Variants in ADAP1 observed in about 807,000 individuals in gnomAD.
ADAP1 encodes ArfGAP with dual PH domains 1, also known as arf-GAP with dual PH domain-containing protein 1.
Under a neutral mutation model 54.9 loss-of-function variants are expected in ADAP1, and 31 were observed. The observed-to-expected ratio is 0.56, with a 90% CI of 0.42 to 0.76. ADAP1 has a LOEUF of 0.76. ADAP1 is among the 30% of genes least tolerant of loss of function. The pLI, the probability that ADAP1 is intolerant of heterozygous loss-of-function variation, is 0.00. For synonymous variants in ADAP1, 313 were observed against 202.6 expected, an observed-to-expected ratio of 1.55 and a Z score of -4.63; for missense variants, 535 against 512.4, an observed-to-expected ratio of 1.04 and a Z score of -0.42.
At position 900,629 on chromosome 7, in the gene ADAP1, G is replaced by A; in HGVS notation, c.649-13C>T. ...AGTCCACAATCTCCTAGGGGCAAAG[G>A]TGGGCACAGGCTTGGGCTGAGGAGG... On this transcript the variant is annotated splice_polypyrimidine_tract_variant and intron_variant, in intron 6 of 10. Coordinates refer to ENST00000265846, the MANE Select transcript of ADAP1 (RefSeq NM_006869.4). 1 of 1,594,740 alleles carries A rather than the reference G, an allele frequency of 6.3e-7. No homozygotes were observed. The highest frequency in any genetic ancestry group is 1.1e-5 in the South Asian group (1 of 89,440).
rs1017268339 is a variant in ADAP1 at position 945,648 on chromosome 7, C to T, written c.82+8748G>A. The stretch of plus-strand genomic sequence containing the variant: ...GGGAGGGGCAGGCCCAAGACTCCAG[C>T]CCCCACAAACATCCAGGCTGCCAGC... On this transcript the variant is annotated intron_variant, in intron 1 of 10. Transcript: ENST00000265846. The surrounding 1 kb of genome is among the most constrained non-coding windows in gnomAD (Gnocchi z 4.2). The T allele has an allele frequency of 1.0e-5, 8 of 796,704 alleles. No homozygotes were observed. Among genetic ancestry groups the T allele is most frequent in the East Asian group, 1.3e-4 (1 of 7,950 alleles). The allele number at this position is 796,704 out of a possible 1,614,324, so 49.4% of individuals were successfully genotyped here. A position where few individuals can be genotyped will look rare whatever the true frequency, so the allele number is the denominator to read the frequency against.
chr7:902,249 G>A (rs1162307654), intron 6 of ADAP1, among the ~76,000 whole-genome samples: 2 of 149,376 alleles, frequency 1.3e-5, no homozygotes, highest in Admixed American at 1.3e-4. Context: ...ACCTGAGGTC[G>A]GGAGCTCGAG....
At chr7:908,883 G>C (rs898165156) in intron 4 of ADAP1, among the ~76,000 whole-genome samples, 1 of 152,160 alleles carries the variant, frequency 6.6e-6, no homozygotes, top group Non-Finnish European at 1.5e-5. Context: ...GGGTGGAGCT[G>C]GCTGGGTCCA....
chr7:943,376 T>G (rs377334053), intron 1 of ADAP1, among the ~76,000 whole-genome samples: 86 of 4,970 alleles, frequency 0.017, no homozygotes, highest in South Asian at 0.024. Flanking sequence ...GGAGAGAGGA[T>G]GAGGAAGGGA....
At chr7:912,983 G>A (rs1364315877) in intron 4 of ADAP1, among the ~76,000 whole-genome samples, 3 of 152,002 alleles carry the variant, frequency 2.0e-5, no homozygotes, top group Non-Finnish European at 4.4e-5. Context: ...TGAGTAGCTG[G>A]GACCATAGGC....
At chr7:907,515 G>A (rs577569863) in intron 4 of ADAP1, among the ~76,000 whole-genome samples, 35 of 152,214 alleles carry the variant, frequency 2.3e-4, no homozygotes, top group Admixed American at 8.5e-4. Context: ...GTGGCTTCAC[G>A]TCACTGAGCT....
rs1260600137 is a variant in ADAP1 at position 904,331 on chromosome 7, A to G, written c.502-59T>C. 8 of 1,519,038 alleles carry G rather than the reference A, an allele frequency of 5.3e-6. No individual in the cohort carries two copies. The East Asian group carries it at 1.2e-4, about 22-fold the overall frequency. The allele number at this position is 1,519,038 out of a possible 1,614,324, so 94.1% of individuals were successfully genotyped here. On this transcript the variant is annotated intron_variant, in intron 5 of 10. Coordinates refer to ENST00000265846, the MANE Select transcript of ADAP1 (RefSeq NM_006869.4). ...GGCCGTCGTCCAAGCTCAAGGGAGCAGGAAGGGCAGACCCTGTGGGTGCTG... is the reference window on the plus strand; with the variant it reads ...GGCCGTCGTCCAAGCTCAAGGGAGCGGGAAGGGCAGACCCTGTGGGTGCTG...
chr7:931,934 C>T lies in ADAP1; in HGVS notation c.213+3441G>A, dbSNP rs1846594466. ...TTAGCCCCCGGATGTCCCCGCTGACCACCAGCCCAGGAATGGCCAAGGGGC... is the reference window on the plus strand; with the variant it reads ...TTAGCCCCCGGATGTCCCCGCTGACTACCAGCCCAGGAATGGCCAAGGGGC... On this transcript the variant is annotated intron_variant, in intron 2 of 10. Transcript: ENST00000265846. Among the ~76,000 whole-genome samples, 4 of 152,284 alleles carry T rather than the reference C, an allele frequency of 2.6e-5. No individual in the cohort carries two copies. In the South Asian group the frequency reaches 8.3e-4, roughly 32 times the overall value.
At chr7:940,874 T>A (rs1180422298) in intron 1 of ADAP1, among the ~76,000 whole-genome samples, 1 of 138,090 alleles carries the variant, frequency 7.2e-6, no homozygotes, top group Non-Finnish European at 1.5e-5. Context: ...AGAAAAAACA[T>A]ACAATTGTTT....
At chr7:904,335 AG>A (rs1449788569) in intron 5 of ADAP1, 63 bp from the exon 6 acceptor site, 2 of 1,515,184 alleles carry the variant, frequency 1.3e-6, no homozygotes, top group African/African-American at 2.8e-5. Context: ...GGGAGCAGGA[AG>A]GGCAGACCCT....
At position 909,548 on chromosome 7, in the gene ADAP1, G is replaced by A. The variant is rs537539958; in HGVS notation, c.389-4376C>T. Among the ~76,000 whole-genome samples, 22 of 152,370 alleles carry A rather than the reference G, an allele frequency of 1.4e-4. No individual in the cohort carries two copies. The South Asian group carries it at 4.6e-3, about 32-fold the overall frequency. ...CGCCCCACGCCCAGTCCAGACCTCA[G>A]GCTGAGCCTCTGCTCTCCCCATGCC... On this transcript the variant is annotated intron_variant, in intron 4 of 10. Transcript: ENST00000265846.
intron 3 of ADAP1, among the ~76,000 whole-genome samples, chr7:924,570 C>CTG (rs1846318611): frequency 1.4e-5 from 2 of 148,102 alleles, no homozygotes; most frequent in Non-Finnish European, 3.0e-5. Context: ...GCTGCACCCC[C>CTG]CGCCCTCCAA....
At chr7:935,552 C>A (rs764324419) in intron 1 of ADAP1, 47 bp from the exon 2 acceptor site, 1 of 1,547,690 alleles carries the variant, frequency 6.5e-7, no homozygotes, top group South Asian at 1.2e-5. Flanking sequence ...CCAGGGACCC[C>A]GGAGGGAGGG....
At position 904,194 on chromosome 7, in the gene ADAP1, C is replaced by T. The variant is rs767970805; in HGVS notation, c.580G>A (p.Gly194Ser). The change falls in exon 6 of 11, where the codon GGC (glycine) becomes AGC (serine). Residue 194 changes from glycine (G) to serine (S), a missense_variant. By Grantham distance (56) the Gly-to-Ser change is moderately conservative. Coordinates refer to ENST00000265846, the MANE Select transcript of ADAP1 (RefSeq NM_006869.4). ...TCCTTCAGGTAGGTGACCTGCAGGC[C>T]GTGGGGGTGGCCGATCTTGGCCGGC... ...FQPAKIGHPH[G>S]LQVTYLKDNS... The T allele has an allele frequency of 1.1e-5, 18 of 1,611,778 alleles. No homozygotes were observed. Among genetic ancestry groups the T allele is most frequent in the East Asian group, 2.2e-5 (1 of 44,772 alleles).
intron 4 of ADAP1, among the ~76,000 whole-genome samples, chr7:919,624 T>C (rs1470175906): frequency 8.3e-6 from 1 of 120,080 alleles, no homozygotes; most frequent in Admixed American, 9.7e-5. Flanking sequence ...GAGACAGACA[T>C]GAAGAGAGAG....
intron 6 of ADAP1, among the ~76,000 whole-genome samples, chr7:901,812 C>G (rs1292176452): frequency 6.6e-6 from 1 of 151,600 alleles, no homozygotes; most frequent in Non-Finnish European, 1.5e-5. Context: ...TGGCCCCGCC[C>G]TCCCTCCTCC....
intron 4 of ADAP1, 158 bp from the exon 5 acceptor site, chr7:905,330 A>ACAGGG: frequency 7.5e-6 from 3 of 400,550 alleles, no homozygotes; most frequent in Non-Finnish European, 1.3e-5. Flanking sequence ...GGGGACATGG[A>ACAGGG]GGAGACAGGG....
Position 929,016 on chromosome 7 carries a change from G to A in ADAP1, c.214-2372C>T, listed in dbSNP as rs556446296. ...TCGGCCATAAAGAGGAATGCCGGCC[G>A]GGCGCGGGGGCTCACGCCTGTCATC... is the stretch of plus-strand genomic sequence containing the variant. On this transcript the variant is annotated intron_variant, in intron 2 of 10. Transcript: ENST00000265846. Among the ~76,000 whole-genome samples the A allele has an allele frequency of 2.5e-4, 38 of 152,320 alleles. 1 individual carries two copies. Among genetic ancestry groups the A allele is most frequent in the African/African-American group, 8.9e-4 (37 of 41,570 alleles).
chr7:939,600 G>A (rs1846885835), intron 1 of ADAP1, among the ~76,000 whole-genome samples: 1 of 151,846 alleles, frequency 6.6e-6, no homozygotes, highest in African/African-American at 2.4e-5. Context: ...GGAGGCCAAG[G>A]CGGGTGGATC....
Sources: allele counts gnomAD v4.1 joint callset (sites outside exome capture counted in the v4.1 genomes callset), GRCh38; gene constraint gnomAD v4.1.1; non-coding constraint Gnocchi (gnomAD v3.1); transcripts MANE v1.5; gene names NCBI Gene and HGNC (gene_info 2026-07-23, HGNC 2026-07-21).